Variants in CDC42SE2 observed in about 807,000 individuals in gnomAD.
CDC42SE2 encodes CDC42 small effector 2.
In CDC42SE2, 3 loss-of-function variants were observed where a neutral mutation model predicts 11.5. The observed-to-expected ratio is 0.26, with a 90% CI of 0.12 to 0.67. The LOEUF (loss-of-function observed/expected upper bound fraction) is 0.67. Ranked by LOEUF, CDC42SE2 falls within the 30% of genes least tolerant of loss-of-function variation. The pLI, the probability that CDC42SE2 is intolerant of heterozygous loss-of-function variation, is 0.80. For missense variants in CDC42SE2, 82 were observed against 106.8 expected (o/e 0.77, Z 1.02); for synonymous variants, 33 against 34.8 (o/e 0.95, Z 0.18).
In CDC42SE2 at chr5:131,274,343, T is replaced by A. The variant is rs149674952; in HGVS notation, c.-455+10177T>A. ...AAAACCTAGTAGACATTCTTGACTC[T>A]CTTCTTTCTCATACTCCCACATGTG... On this transcript the variant is annotated intron_variant, in intron 1 of 4. Transcript: ENST00000505065. Among the ~76,000 whole-genome samples, 608 of 152,316 alleles carry A rather than the reference T, an allele frequency of 4.0e-3. 6 individuals are homozygous for A. The highest frequency in any genetic ancestry group is 0.018 in the South Asian group (85 of 4,830).
chr5:131,221,208 G>A, the CDC42SE2 span, among the ~76,000 whole-genome samples: 1 of 151,958 alleles, frequency 6.6e-6, no homozygotes, highest in South Asian at 2.1e-4. Context: ...TGTCCAACCC[G>A]CAGCCCACGG....
In CDC42SE2 at chr5:131,301,858, C is replaced by T. The variant is rs142401677; in HGVS notation, c.-454-14118C>T. Among the ~76,000 whole-genome samples, 629 of 152,246 alleles carry T rather than the reference C, an allele frequency of 4.1e-3. 4 individuals carry two copies. Among genetic ancestry groups the T allele is most frequent in the African/African-American group, 0.013 (545 of 41,566 alleles). The stretch of plus-strand genomic sequence containing the variant: ...ATGTATCATCATAATATTAAGCCCC[C>T]TTCCCTTTCTGATACCCCTATTTTT... On this transcript the variant is annotated intron_variant, in intron 1 of 4. Transcript: ENST00000505065.
At chr5:131,265,937 C>T (rs1209067996) in intron 1 of CDC42SE2, among the ~76,000 whole-genome samples, 2 of 152,098 alleles carry the variant, frequency 1.3e-5, no homozygotes, top group Non-Finnish European at 2.9e-5. Flanking sequence ...TAAAAATCCC[C>T]AGAGATAAAC....
intron 1 of CDC42SE2, among the ~76,000 whole-genome samples, chr5:131,302,378 C>T (rs1320988296): frequency 6.6e-6 from 1 of 152,162 alleles, no homozygotes; most frequent in African/African-American, 2.4e-5. Flanking sequence ...AGGGTTTCTC[C>T]ATGTTGGTGA....
Position 131,332,714 on chromosome 5 carries a change from G to A in CDC42SE2, c.-286+16570G>A, listed in dbSNP as rs543048118. On this transcript the variant is annotated intron_variant, in intron 2 of 4. Transcript: ENST00000505065. ...GGTTTTGATTTGCATTTTTCTGATG[G>A]CCAGTGATGATGAGCATTTTTTCAT... Among the ~76,000 whole-genome samples, 493 of 152,228 alleles carry A rather than the reference G, an allele frequency of 3.2e-3. 4 individuals are homozygous for A. Among genetic ancestry groups the A allele is most frequent in the African/African-American group, 0.012 (479 of 41,514 alleles).
At chr5:131,318,532 T>C (rs1396502489) in intron 2 of CDC42SE2, among the ~76,000 whole-genome samples, 15 of 152,186 alleles carry the variant, frequency 9.9e-5, no homozygotes, top group Admixed American at 9.8e-4. Context: ...AACATAGTTA[T>C]TGAATTCCTG....
At chr5:131,348,566 C>G (rs553426796) in intron 2 of CDC42SE2, among the ~76,000 whole-genome samples, 12 of 152,220 alleles carry the variant, frequency 7.9e-5, no homozygotes, top group African/African-American at 2.6e-4. Context: ...GCCGTACTGC[C>G]CAAGGTAATG....
intron 3 of CDC42SE2, among the ~76,000 whole-genome samples, chr5:131,365,718 C>T (rs954542330): frequency 1.3e-5 from 2 of 152,144 alleles, no homozygotes; most frequent in Non-Finnish European, 2.9e-5. Context: ...CGTGGTGGCT[C>T]ACACCTGTAT....
At chr5:131,283,960 A>C (rs2149704172) in intron 1 of CDC42SE2, among the ~76,000 whole-genome samples, 1 of 152,286 alleles carries the variant, frequency 6.6e-6, no homozygotes, top group Non-Finnish European at 1.5e-5. Context: ...ATTTGTTTTA[A>C]TTTATCTTGG....
At chr5:131,219,961 G>A in the CDC42SE2 span, among the ~76,000 whole-genome samples, 1 of 150,922 alleles carries the variant, frequency 6.6e-6, no homozygotes, top group African/African-American at 2.5e-5. Flanking sequence ...AAAAAGTTGT[G>A]GGTTGCCACA....
chr5:131,228,683 T>C, the CDC42SE2 span, among the ~76,000 whole-genome samples: 2 of 152,340 alleles, frequency 1.3e-5, no homozygotes, highest in African/African-American at 4.8e-5. Context: ...AAATCACATG[T>C]TGAGGCCCTA....
chr5:131,357,881 T>C (rs1749597778), intron 2 of CDC42SE2, among the ~76,000 whole-genome samples: 1 of 152,208 alleles, frequency 6.6e-6, no homozygotes, highest in African/African-American at 2.4e-5. Context: ...CGCCACACTG[T>C]GTTTGCTGCA....
At position 131,391,186 on chromosome 5, in the gene CDC42SE2, T is replaced by TATA. The variant is rs1750641582; in HGVS notation, c.*98_*100dup. 2 of 470,960 alleles carry TATA rather than the reference T, an allele frequency of 4.2e-6. No individual in the cohort carries two copies. The highest frequency in any genetic ancestry group is 4.1e-5 in the African/African-American group (2 of 48,272). 29.2% of individuals were successfully genotyped at this position (470,960 alleles called of 1,614,324 possible). A position where few individuals can be genotyped will look rare whatever the true frequency, so the allele number is the denominator to read the frequency against. ...ATAATAGTAAATATATGTATATATATATAATTTTTTAATGGTGAACTTATT... is the reference window on the plus strand; with the variant it reads ...ATAATAGTAAATATATGTATATATATATAATAATTTTTTAATGGTGAACTTATT... On this transcript the variant is annotated 3_prime_UTR_variant, in exon 5 of 5. Coordinates refer to ENST00000505065, the MANE Select transcript of CDC42SE2 (RefSeq NM_001375635.1).
At chr5:131,351,649 TA>T (rs1274748333) in intron 2 of CDC42SE2, among the ~76,000 whole-genome samples, 2 of 152,134 alleles carry the variant, frequency 1.3e-5, no homozygotes, top group Admixed American at 6.5e-5. Flanking sequence ...CATATTTTTT[TA>T]AAAAATAGCC....
At chr5:131,247,111 T>C (rs1023916115) in intron 1 of CDC42SE2, among the ~76,000 whole-genome samples, 4 of 152,312 alleles carry the variant, frequency 2.6e-5, no homozygotes, top group African/African-American at 7.2e-5. Flanking sequence ...TCTTTTGTTC[T>C]ATGTCTCTTG....
intron 3 of CDC42SE2, among the ~76,000 whole-genome samples, chr5:131,369,522 T>C (rs1315000899): frequency 6.6e-6 from 1 of 152,240 alleles, no homozygotes; most frequent in Admixed American, 6.5e-5. Context: ...GTTACCATCT[T>C]ACATTCCCAC....
At position 131,355,340 on chromosome 5, in the gene CDC42SE2, G is replaced by A. The variant is rs567175951; in HGVS notation, c.-285-3869G>A. 3.9e-5 allele frequency among the ~76,000 whole-genome samples: 6 copies of A among 152,154 alleles called. No individual in the cohort carries two copies. In the South Asian group the frequency reaches 1.0e-3, roughly 26 times the overall value. The stretch of plus-strand genomic sequence containing the variant: ...AAAAGTTCAAAAGTTAGCCAAATGT[G>A]GTGGCATGTACCTGTAGTCCCAGCT... On this transcript the variant is annotated intron_variant, in intron 2 of 4. Coordinates refer to ENST00000505065, the MANE Select transcript of CDC42SE2 (RefSeq NM_001375635.1).
At chr5:131,239,728 T>C in the CDC42SE2 span, among the ~76,000 whole-genome samples, 3 of 152,304 alleles carry the variant, frequency 2.0e-5, no homozygotes, top group African/African-American at 7.2e-5. Flanking sequence ...TGCCTCAGCT[T>C]GGACTTCCCT....
chr5:131,329,888 A>AAAAAAAAAC, intron 2 of CDC42SE2, among the ~76,000 whole-genome samples: 1 of 40,282 alleles, frequency 2.5e-5, no homozygotes, highest in Non-Finnish European at 3.5e-5. Context: ...TCAAAAAAAA[A>AAAAAAAAAC]AAAAAAAAAA....
Sources: allele counts gnomAD v4.1 joint callset (sites outside exome capture counted in the v4.1 genomes callset), GRCh38; gene constraint gnomAD v4.1.1; transcripts MANE v1.5; gene names NCBI Gene and HGNC (gene_info 2026-07-23, HGNC 2026-07-21).